ARB2A: variants seen among roughly 807,000 people sequenced by gnomAD.
ARB2A encodes the protein cotranscriptional regulator ARB2A.
chr5:93,793,165 T>C, the ARB2A span, among the ~76,000 whole-genome samples: 16 of 150,188 alleles, frequency 1.1e-4, no homozygotes, highest in South Asian at 2.1e-4. Flanking sequence ...TTTAAACTCC[T>C]GGGCTCAAGT....
the ARB2A span, among the ~76,000 whole-genome samples, chr5:94,060,118 G>T: frequency 3.3e-5 from 5 of 152,144 alleles, no homozygotes; most frequent in Non-Finnish European, 5.9e-5. Context: ...CCAGCACTTT[G>T]GAAGGCCAAG....
At chr5:93,868,403 C>T in the ARB2A span, among the ~76,000 whole-genome samples, 5 of 152,184 alleles carry the variant, frequency 3.3e-5, no homozygotes, top group Non-Finnish European at 7.3e-5. Context: ...CATGCTATGT[C>T]ACACATAAAG....
At chr5:93,836,020 T>A in the ARB2A span, among the ~76,000 whole-genome samples, 2 of 152,112 alleles carry the variant, frequency 1.3e-5, no homozygotes, top group South Asian at 4.1e-4. Flanking sequence ...AAGGATAAGA[T>A]GAAAGAAAAA....
At chr5:94,004,992 T>TAAGCAGAAAA in the ARB2A span, among the ~76,000 whole-genome samples, 1 of 69,266 alleles carries the variant, frequency 1.4e-5, no homozygotes, top group Non-Finnish European at 2.5e-5. Context: ...GGAGCCATTT[T>TAAGCAGAAAA]ATCAGCAAAA....
the ARB2A span, among the ~76,000 whole-genome samples, chr5:93,877,508 C>T: frequency 6.6e-6 from 1 of 152,164 alleles, no homozygotes; most frequent in South Asian, 2.1e-4. Flanking sequence ...ATGCAAAAAG[C>T]AGCACATATC....
the ARB2A span, among the ~76,000 whole-genome samples, chr5:93,800,417 A>ACACG: frequency 6.6e-6 from 1 of 151,640 alleles, no homozygotes; most frequent in East Asian, 1.9e-4. Context: ...ACACACACAC[A>ACACG]CACACACGCA....
chr5:93,824,404 A>C, the ARB2A span: 7 of 477,630 alleles, frequency 1.5e-5, no homozygotes, highest in Non-Finnish European at 2.1e-5. Flanking sequence ...AAATAATATA[A>C]AAGAACTACA....
the ARB2A span, among the ~76,000 whole-genome samples, chr5:93,952,455 G>T: frequency 6.6e-6 from 1 of 152,232 alleles, no homozygotes; most frequent in African/African-American, 2.4e-5. Context: ...TAGGGTAAAA[G>T]GATTTTTACC....
At chr5:93,722,020 C>T in the ARB2A span, among the ~76,000 whole-genome samples, 12 of 152,206 alleles carry the variant, frequency 7.9e-5, no homozygotes, top group African/African-American at 2.9e-4. Context: ...TCTCTATTTG[C>T]CTAGTCCCAA....
At chr5:93,858,387 C>T in the ARB2A span, among the ~76,000 whole-genome samples, 1 of 152,198 alleles carries the variant, frequency 6.6e-6, no homozygotes, top group African/African-American at 2.4e-5. Context: ...AGAAACCTTC[C>T]TGAAATCCAA....
At chr5:93,670,521 T>A in the ARB2A span, among the ~76,000 whole-genome samples, 1 of 152,212 alleles carries the variant, frequency 6.6e-6, no homozygotes, top group African/African-American at 2.4e-5. Flanking sequence ...AGGAAATATA[T>A]TCAGCATAAC....
At chr5:94,059,912 T>A in the ARB2A span, among the ~76,000 whole-genome samples, 4 of 152,270 alleles carry the variant, frequency 2.6e-5, no homozygotes, top group East Asian at 5.8e-4. Flanking sequence ...AGGCAAATGA[T>A]ACTAAACAGA....
At chr5:93,986,330 C>T in the ARB2A span, among the ~76,000 whole-genome samples, 7 of 151,570 alleles carry the variant, frequency 4.6e-5, no homozygotes, top group South Asian at 4.2e-4. Flanking sequence ...AGGTGGGGGG[C>T]GCCCCCGCCC....
the ARB2A span, among the ~76,000 whole-genome samples, chr5:94,049,019 T>C: frequency 6.6e-6 from 1 of 152,204 alleles, no homozygotes; most frequent in Non-Finnish European, 1.5e-5. Flanking sequence ...AACCAAGTAG[T>C]TCATTTTTAC....
the ARB2A span, among the ~76,000 whole-genome samples, chr5:93,841,881 T>G: frequency 2.0e-5 from 3 of 152,166 alleles, no homozygotes; most frequent in Admixed American, 2.0e-4. Context: ...AAAAACACCT[T>G]CTCTGTGAAA....
chr5:93,696,955 G>A, the ARB2A span, among the ~76,000 whole-genome samples: 2 of 151,510 alleles, frequency 1.3e-5, no homozygotes, highest in African/African-American at 2.4e-5. Flanking sequence ...CCAGCTACTC[G>A]GGAGGCTGAG....
the ARB2A span, among the ~76,000 whole-genome samples, chr5:93,923,079 C>A: frequency 4.0e-5 from 6 of 151,892 alleles, no homozygotes; most frequent in African/African-American, 1.5e-4. Context: ...CCAAGCCCTC[C>A]TCTTTCTCCT....
At chr5:93,743,469 G>A in the ARB2A span, 3 of 874,552 alleles carry the variant, frequency 3.4e-6, no homozygotes, top group Non-Finnish European at 4.1e-6. Context: ...ATAAAAAACA[G>A]CTTGCAATAT....
At chr5:93,834,061 C>T in the ARB2A span, among the ~76,000 whole-genome samples, 1 of 152,098 alleles carries the variant, frequency 6.6e-6, no homozygotes, top group African/African-American at 2.4e-5. Flanking sequence ...TGTTTAGGTC[C>T]CATTTGACAC....
Sources: allele counts gnomAD v4.1 joint callset (sites outside exome capture counted in the v4.1 genomes callset), GRCh38; gene constraint gnomAD v4.1.1; transcripts MANE v1.5; gene names NCBI Gene and HGNC (gene_info 2026-07-23, HGNC 2026-07-21).